Variants in UPF1 observed in about 807,000 individuals in gnomAD.
UPF1 encodes the protein regulator of nonsense transcripts 1.
UPF1 carries 9 observed loss-of-function variants against 129.2 expected under a neutral mutation model. That is an observed-to-expected ratio of 0.07 (90% confidence interval 0.04 to 0.12). The LOEUF (loss-of-function observed/expected upper bound fraction) is 0.12, where lower values mean the gene tolerates loss of function less well. Among genes scored for constraint, UPF1 ranks in the 10% least tolerant of loss-of-function variants. The pLI, the probability that UPF1 is intolerant of heterozygous loss-of-function variation, is 1.00. For missense variants in UPF1, 788 were observed against 1,525.3 expected, an observed-to-expected ratio of 0.52 and a Z score of 8.05; for synonymous variants, 649 against 644.9, an observed-to-expected ratio of 1.01 and a Z score of -0.10.
Position 18,851,105 on chromosome 19 carries a change from C to A in UPF1, c.810+237C>A. On this transcript the variant is annotated intron_variant, in intron 5 of 23. Transcript: ENST00000262803. This position sits in a 1 kb window ranked among gnomAD's most constrained non-coding sequence, Gnocchi z 4.2. ...CTTGGGGAAAGGAAAGCTCTGGCTG[C>A]TGGAATTTTTCTTGTCTTGCCGGGG... 2 of 430,410 alleles carry A rather than the reference C, an allele frequency of 4.6e-6. No homozygotes were observed. The highest frequency in any genetic ancestry group is 8.1e-6 in the Non-Finnish European group (2 of 247,988). 26.7% of individuals were successfully genotyped at this position (430,410 alleles called of 1,614,324 possible).
chr19:18,835,902 C>G (rs1049949267), intron 1 of UPF1, among the ~76,000 whole-genome samples: 4 of 152,210 alleles, frequency 2.6e-5, no homozygotes, highest in African/African-American at 4.8e-5. Context: ...TAGCCACTTT[C>G]CATACCAACC....
chr19:18,855,737 A>T, intron 11 of UPF1, 188 bp from the exon 12 acceptor site: 1 of 788,344 alleles, frequency 1.3e-6, no homozygotes, highest in Non-Finnish European at 1.9e-6. Flanking sequence ...GGTCCCAGCT[A>T]CTCAGGAGGC....
In UPF1 at chr19:18,866,154, C is replaced by T; in HGVS notation, c.3348C>T (p.Ser1116=). The T allele has an allele frequency of 6.2e-7, 1 of 1,602,686 alleles. No individual in the cohort carries two copies. Among genetic ancestry groups the T allele is most frequent in the Non-Finnish European group, 8.5e-7 (1 of 1,174,700 alleles). Reference sequence around the variant, plus strand: ...AGCATGGCGGGGTGACGGGGCTGTCCCAGTATTAAAAGGCAAGCCCCCCTG... The same window carrying T: ...AGCATGGCGGGGTGACGGGGCTGTCTCAGTATTAAAAGGCAAGCCCCCCTG... ...AYQHGGVTGL[S]QY is the part of the protein sequence containing the mutation. Residue 1116 remains serine, a synonymous_variant, in exon 23 of 24, where the codon TCC becomes TCT. Coordinates refer to ENST00000262803, the MANE Select transcript of UPF1 (RefSeq NM_002911.4).
chr19:18,844,125 A>G (rs1015513192), intron 1 of UPF1, among the ~76,000 whole-genome samples: 1 of 152,046 alleles, frequency 6.6e-6, no homozygotes, highest in Non-Finnish European at 1.5e-5. Flanking sequence ...CAGCTCTTAG[A>G]TGGACTTCCA....
chr19:18,858,730 TAGTA>T (rs1267609053), intron 15 of UPF1, among the ~76,000 whole-genome samples: 2 of 152,126 alleles, frequency 1.3e-5, no homozygotes, highest in South Asian at 2.1e-4. Flanking sequence ...TTCAGCCAGA[TAGTA>T]AGGAGATTTG....
At chr19:18,842,343 G>T (rs1232981771) in intron 1 of UPF1, among the ~76,000 whole-genome samples, 1 of 152,240 alleles carries the variant, frequency 6.6e-6, no homozygotes, top group East Asian at 1.9e-4. Context: ...GGCTGGGTGC[G>T]CTCATGAGCC....
rs2055615927 is a variant in UPF1, at chr19:18,847,727, C to G, written c.372-17C>G. On this transcript the variant is annotated splice_polypyrimidine_tract_variant and intron_variant, in intron 2 of 23. Transcript: ENST00000262803. ...AGCAAGCTTCCAGCTGTAACTGTCG[C>G]TGTTTTGATTTTTTAGTTACTGTGG... The G allele has an allele frequency of 6.2e-7, 1 of 1,611,288 alleles. No homozygotes were observed. Among genetic ancestry groups the G allele is most frequent in the Non-Finnish European group, 8.5e-7 (1 of 1,177,518 alleles).
rs2055714684 is a variant in UPF1, at chr19:18,856,104, C to T, written c.1709+15C>T. The T allele has an allele frequency of 1.2e-6, 2 of 1,611,032 alleles. No homozygotes were observed. Among genetic ancestry groups the T allele is most frequent in the Middle Eastern group, 1.7e-4 (1 of 6,054 alleles). ...AACATGGACAGGTGTGTGTCGAGTC[C>T]ATCCCTCCCAGTTGGTCCCTGAGCT... is the stretch of plus-strand genomic sequence containing the variant. On this transcript the variant is annotated intron_variant, in intron 12 of 23. Transcript: ENST00000262803.
chr19:18,863,714 G>C lies in UPF1; in HGVS notation c.2775+102G>C. ...GCCCGTGTGCCCGTGAGCTGAGGGA[G>C]GGCTCTCCTAGGGGAGGGTGGGCTC... On this transcript the variant is annotated intron_variant, in intron 19 of 23. Transcript: ENST00000262803. 4.8e-6 allele frequency: 7 copies of C among 1,443,430 alleles called. No individual in the cohort carries two copies. The South Asian group carries it at 6.7e-5, about 14-fold the overall frequency. 89.4% of individuals were successfully genotyped at this position (1,443,430 alleles called of 1,614,324 possible).
rs143557026 is a variant in UPF1 at position 18,850,961 on chromosome 19, C to T, written c.810+93C>T. The T allele has an allele frequency of 5.1e-5, 70 of 1,385,508 alleles. No individual in the cohort carries two copies. In the African/African-American group the frequency reaches 6.6e-4, roughly 13 times the overall value. The allele number at this position is 1,385,508 out of a possible 1,614,324, so 85.8% of individuals were successfully genotyped here. ...CAGAGACGGCTTGACCCAGTGAGAC[C>T]GCTGGAGATTCTCTGAAAGGAATTC... On this transcript the variant is annotated intron_variant, in intron 5 of 23. Transcript: ENST00000262803. The surrounding 1 kb of genome is among the most constrained non-coding windows in gnomAD (Gnocchi z 7.1).
At chr19:18,852,025 C>A in intron 5 of UPF1, 110 bp from the exon 6 acceptor site, 1 of 1,414,014 alleles carries the variant, frequency 7.1e-7, no homozygotes, top group Non-Finnish European at 9.3e-7. Context: ...CACCGTGGCC[C>A]ATTCTGAGAA....
chr19:18,840,022 G>GGCT (rs1369911384), intron 1 of UPF1, among the ~76,000 whole-genome samples: 1 of 152,188 alleles, frequency 6.6e-6, no homozygotes, highest in Non-Finnish European at 1.5e-5. Context: ...CCAGGGCAGG[G>GGCT]GCTGGGCTGT....
chr19:18,855,902 G>A, intron 11 of UPF1, 23 bp from the exon 12 acceptor site: 2 of 1,612,380 alleles, frequency 1.2e-6, no homozygotes. Context: ...GGTAAGCACT[G>A]AGCTGCCCCA....
chr19:18,847,855 G>A (rs2055617050), intron 3 of UPF1, 22 bp downstream of exon 3: 1 of 1,610,164 alleles, frequency 6.2e-7, no homozygotes, highest in Non-Finnish European at 8.5e-7. Context: ...GACCATGCAT[G>A]TGTGTTTAAT....
intron 1 of UPF1, among the ~76,000 whole-genome samples, chr19:18,835,347 CT>C (rs111301940): frequency 1.3e-3 from 192 of 146,158 alleles, no homozygotes; most frequent in African/African-American, 1.9e-3. Flanking sequence ...CATTTCATTC[CT>C]TTTTTTTTTT....
Position 18,832,166 on chromosome 19 carries a change from G to A in UPF1, c.-44G>A, listed in dbSNP as rs1160475927. ...TAGGCCTCAGCGCGGCGGCGGGCTC[G>A]AGTGCAGCGCGGAACCGGCCCGAGG... On this transcript the variant is annotated 5_prime_UTR_variant, in exon 1 of 24. Coordinates refer to ENST00000262803, the MANE Select transcript of UPF1 (RefSeq NM_002911.4). The surrounding 1 kb of genome is among the most constrained non-coding windows in gnomAD (Gnocchi z 5.6). 1.3e-6 allele frequency: 2 copies of A among 1,488,532 alleles called. No individual in the cohort carries two copies. The highest frequency in any genetic ancestry group is 2.9e-5 in the East Asian group (1 of 34,336). 92.2% of individuals were successfully genotyped at this position (1,488,532 alleles called of 1,614,324 possible). A position where few individuals can be genotyped will look rare whatever the true frequency, so the allele number is the denominator to read the frequency against.
Position 18,855,210 on chromosome 19 carries a change from C to T in UPF1, c.1512C>T (p.Thr504=), listed in dbSNP as rs1399903556. 1 of 1,612,724 alleles carries T rather than the reference C, an allele frequency of 6.2e-7. No individual in the cohort carries two copies. The highest frequency in any genetic ancestry group is 1.3e-5 in the African/African-American group (1 of 75,076). ...PGTGKTVTSA[T]IVYHLARQGN... is the part of the protein sequence containing the mutation. ...CGGGGAAGACGGTGACGTCGGCCACCATCGTCTACCACCTGGCCCGGCAAG... is the reference window on the plus strand; with the variant it reads ...CGGGGAAGACGGTGACGTCGGCCACTATCGTCTACCACCTGGCCCGGCAAG... Residue 504 remains threonine (T), a synonymous_variant, in exon 11 of 24, where the codon ACC becomes ACT. Coordinates refer to ENST00000262803, the MANE Select transcript of UPF1 (RefSeq NM_002911.4).
intron 20 of UPF1, among the ~76,000 whole-genome samples, chr19:18,864,733 G>GTTTTTTTTTT (rs10682791): frequency 6.8e-5 from 5 of 73,568 alleles, no homozygotes; most frequent in African/African-American, 1.1e-4. Flanking sequence ...ATTTGCAGGT[G>GTTTTTTTTTT]TTTTTTTTTT....
chr19:18,848,320 T>A (rs2055621700), intron 3 of UPF1: 1 of 165,138 alleles, frequency 6.1e-6, no homozygotes, highest in Non-Finnish European at 1.3e-5. Flanking sequence ...GTTGATCAGC[T>A]GCAGCTGGAC....
Sources: allele counts gnomAD v4.1 joint callset (sites outside exome capture counted in the v4.1 genomes callset), GRCh38; gene constraint gnomAD v4.1.1; non-coding constraint Gnocchi (gnomAD v3.1); transcripts MANE v1.5; gene names NCBI Gene and HGNC (gene_info 2026-07-23, HGNC 2026-07-21).